The following SDC2 variants were observed in gnomAD, a reference collection of about 807,000 sequenced individuals.
SDC2 encodes the protein syndecan-2.
In SDC2, 13 loss-of-function variants were observed where a neutral mutation model predicts 22.2. The ratio of observed to expected loss-of-function variants is 0.59; its 90% CI spans 0.38 to 0.93. The LOEUF is 0.93. Ranked by LOEUF, SDC2 falls within the 40% of genes least tolerant of loss-of-function variation. The pLI is 0.00. For synonymous variants in SDC2, 94 were observed against 92.8 expected, an observed-to-expected ratio of 1.01 and a Z score of -0.07; for missense variants, 235 against 246.8, an observed-to-expected ratio of 0.95 and a Z score of 0.32.
chr8:96,495,263 G>A (rs2130407112), intron 1 of SDC2, among the ~76,000 whole-genome samples: 1 of 152,348 alleles, frequency 6.6e-6, no homozygotes, highest in Admixed American at 6.5e-5. Context: ...CTCGTCTCCG[G>A]CGGAGCGCCT....
intron 1 of SDC2, among the ~76,000 whole-genome samples, chr8:96,561,739 G>T (rs1292743503): frequency 6.6e-6 from 1 of 152,156 alleles, no homozygotes; most frequent in Non-Finnish European, 1.5e-5. Flanking sequence ...TTGGATACCA[G>T]TAGTGAAAGA....
intron 1 of SDC2, among the ~76,000 whole-genome samples, chr8:96,494,872 T>G (rs1379785410): frequency 2.6e-5 from 4 of 152,130 alleles, no homozygotes; most frequent in Admixed American, 2.6e-4. Context: ...AGAGAAAAGT[T>G]TGCAAAAGTT....
chr8:96,584,677 T>A (rs950300775), intron 1 of SDC2, among the ~76,000 whole-genome samples: 1 of 152,200 alleles, frequency 6.6e-6, no homozygotes. Flanking sequence ...TAAACTGTGG[T>A]CATATGGATA....
intron 1 of SDC2, among the ~76,000 whole-genome samples, chr8:96,560,926 T>C (rs1814199010): frequency 6.6e-6 from 1 of 152,050 alleles, no homozygotes; most frequent in Non-Finnish European, 1.5e-5. Flanking sequence ...GCCAACATGG[T>C]GAAACCCCAT....
At chr8:96,603,052 C>G (rs948555548) in intron 3 of SDC2, among the ~76,000 whole-genome samples, 5 of 152,158 alleles carry the variant, frequency 3.3e-5, no homozygotes, top group Non-Finnish European at 5.9e-5. Context: ...ATTTTGAGAG[C>G]TGACTTATTA....
At chr8:96,598,247 T>C (rs1013312307) in intron 2 of SDC2, among the ~76,000 whole-genome samples, 3 of 150,290 alleles carry the variant, frequency 2.0e-5, no homozygotes, top group African/African-American at 7.3e-5. Flanking sequence ...CTTAATACTA[T>C]TGCATTGGAG....
rs1290576236 is a variant in SDC2 at position 96,494,321 on chromosome 8, C to T, written c.50C>T (p.Ser17Leu). Residue 17 changes from serine (S) to leucine (L), a missense_variant, in exon 1 of 5, where the codon TCG (serine) becomes TTG (leucine). Ser to Leu is a moderately radical substitution (Grantham distance 145). Transcript: ENST00000302190. Reference sequence around the variant, plus strand: ...ACCTTGGGCTTGGTGGCCTGCGTGTCGGCGGAGTCGGTGAGTGGGCCAGGC... The same window carrying T: ...ACCTTGGGCTTGGTGGCCTGCGTGTTGGCGGAGTCGGTGAGTGGGCCAGGC... ...LLTLGLVACV[S>L]AESRAELTSD... is the part of the protein sequence containing the mutation. The T allele has an allele frequency of 3.2e-6, 5 of 1,543,046 alleles. No individual in the cohort carries two copies. Among genetic ancestry groups the T allele is most frequent in the Admixed American group, 1.9e-5 (1 of 51,410 alleles).
intron 3 of SDC2, among the ~76,000 whole-genome samples, chr8:96,607,219 C>A (rs1815096407): frequency 6.7e-6 from 1 of 149,830 alleles, no homozygotes; most frequent in African/African-American, 2.4e-5. Flanking sequence ...GAAATGACCT[C>A]ACAGGGTTTT....
chr8:96,531,934 G>A (rs979516330), intron 1 of SDC2, among the ~76,000 whole-genome samples: 2 of 152,166 alleles, frequency 1.3e-5, no homozygotes, highest in Non-Finnish European at 2.9e-5. Context: ...AGTTTATGGC[G>A]CTAGGTTTGT....
intron 1 of SDC2, among the ~76,000 whole-genome samples, chr8:96,522,299 G>T (rs759110172): frequency 1.3e-5 from 2 of 152,048 alleles, no homozygotes. Flanking sequence ...GGACATGCCT[G>T]TGTCTATTTA....
At chr8:96,589,183 C>T (rs545167669) in intron 1 of SDC2, among the ~76,000 whole-genome samples, 102 of 152,284 alleles carry the variant, frequency 6.7e-4, no homozygotes, top group African/African-American at 2.4e-3. Flanking sequence ...AAATCACCAT[C>T]GCTGTCCTCA....
At chr8:96,567,019 A>G (rs1221051368) in intron 1 of SDC2, among the ~76,000 whole-genome samples, 1 of 152,026 alleles carries the variant, frequency 6.6e-6, no homozygotes. Context: ...ACGCCCGGCT[A>G]ATTTTTGTAT....
At chr8:96,602,593 TACACA>T in intron 3 of SDC2, 65 bp downstream of exon 3, 1 of 1,533,626 alleles carries the variant, frequency 6.5e-7, no homozygotes, top group Non-Finnish European at 9.0e-7. Flanking sequence ...TTACTGACTG[TACACA>T]ACAGTCCCTT....
At chr8:96,600,518 A>G (rs149988988) in intron 2 of SDC2, among the ~76,000 whole-genome samples, 40 of 152,350 alleles carry the variant, frequency 2.6e-4, no homozygotes, top group African/African-American at 9.4e-4. Flanking sequence ...CTTAGACACT[A>G]TGTTAGGCAC....
rs1815124140 is a variant in SDC2 at position 96,608,601 on chromosome 8, C to G, written c.442+131C>G. ...AAGCAGTCTTGTGGGTGCTTGATTC[C>G]AGAGCGAGAAGCAAGAGGCTCAGCA... On this transcript the variant is annotated intron_variant, in intron 4 of 4. Transcript: ENST00000302190. 9 of 764,966 alleles carry G rather than the reference C, an allele frequency of 1.2e-5. No individual in the cohort carries two copies. In the South Asian group the frequency reaches 2.3e-4, roughly 19 times the overall value. The allele number at this position is 764,966 out of a possible 1,614,324, so 47.4% of individuals were successfully genotyped here.
intron 1 of SDC2, among the ~76,000 whole-genome samples, chr8:96,508,295 CAAATAATAAT>C (rs1813274848): frequency 1.8e-5 from 2 of 111,272 alleles, no homozygotes; most frequent in Non-Finnish European, 3.5e-5. Context: ...GACTCCGTCT[CAAATAATAAT>C]AATAATAATA....
At chr8:96,602,852 T>A (rs1195653575) in intron 3 of SDC2, among the ~76,000 whole-genome samples, 1 of 152,206 alleles carries the variant, frequency 6.6e-6, no homozygotes, top group Non-Finnish European at 1.5e-5. Context: ...TGAAGCCCAG[T>A]TAAGAAGTAA....
At chr8:96,525,100 C>T (rs1162101417) in intron 1 of SDC2, among the ~76,000 whole-genome samples, 2 of 152,166 alleles carry the variant, frequency 1.3e-5, no homozygotes, top group African/African-American at 2.4e-5. Flanking sequence ...GCCCTGCTCT[C>T]CCTCTCTTCT....
At chr8:96,600,341 T>C (rs1814957100) in intron 2 of SDC2, among the ~76,000 whole-genome samples, 1 of 152,208 alleles carries the variant, frequency 6.6e-6, no homozygotes, top group African/African-American at 2.4e-5. Flanking sequence ...TGGAGTTTGT[T>C]TGAGTTGTTA....
Sources: gnomAD v4.1 joint callset for allele counts (sites outside exome capture counted in the v4.1 genomes callset) on GRCh38, gnomAD v4.1.1 for gene constraint, MANE v1.5 for transcripts, NCBI Gene and HGNC (gene_info 2026-07-23, HGNC 2026-07-21) for gene names.